TGFBRAP1: variants seen among roughly 807,000 people sequenced by gnomAD.
The protein encoded by TGFBRAP1 is transforming growth factor beta receptor associated protein 1, also known as transforming growth factor-beta receptor-associated protein 1.
TGFBRAP1 carries 20 observed loss-of-function variants against 83.2 expected under a neutral mutation model. The observed-to-expected ratio is 0.24, with a 90% confidence interval of 0.17 to 0.35. The LOEUF (loss-of-function observed/expected upper bound fraction) is 0.35. Ranked by LOEUF, TGFBRAP1 falls within the 10% of genes least tolerant of loss-of-function variation. The probability of loss-of-function intolerance (pLI) is 1.00; values close to 1 mark genes in which losing one functional copy is unlikely to be tolerated. For missense variants in TGFBRAP1, 950 were observed against 1,099.4 expected (o/e 0.86, Z 1.92); for synonymous variants, 415 against 459.8 (o/e 0.90, Z 1.25).
rs761027549 is a variant in TGFBRAP1, at chr2:105,308,275, A to G, written c.27T>C (p.Leu9=). 9 of 1,613,684 alleles carry G rather than the reference A, an allele frequency of 5.6e-6. No homozygotes were observed. The highest frequency in any genetic ancestry group is 4.4e-5 in the South Asian group (4 of 91,084). MMSIKAFT[L]VSAVERELLM... is the part of the protein sequence containing the mutation. Reference sequence around the variant, plus strand: ...GCAGCTCCCGCTCCACAGCAGAGACAAGCGTAAAGGCTTTGATGCTCATCA... The same window carrying G: ...GCAGCTCCCGCTCCACAGCAGAGACGAGCGTAAAGGCTTTGATGCTCATCA... The change falls in exon 2 of 12, where the codon CTT becomes CTC. Residue 9 remains leucine, a synonymous_variant. Transcript: ENST00000393359.
At chr2:105,286,498 G>C (rs143708337) in intron 4 of TGFBRAP1, among the ~76,000 whole-genome samples, 15 of 152,226 alleles carry the variant, frequency 9.9e-5, no homozygotes, top group African/African-American at 3.6e-4. Context: ...GAGTACATAC[G>C]AAGGACAGAG....
the TGFBRAP1 span, among the ~76,000 whole-genome samples, chr2:105,253,257 C>T: frequency 7.9e-5 from 12 of 152,214 alleles, no homozygotes; most frequent in East Asian, 3.9e-4. Context: ...CTCAGACTCC[C>T]GAGTAGGTGG....
the TGFBRAP1 span, among the ~76,000 whole-genome samples, chr2:105,251,135 C>T: frequency 3.3e-5 from 5 of 151,794 alleles, no homozygotes; most frequent in South Asian, 2.1e-4. Flanking sequence ...ATGTGGGGAG[C>T]GCCTCTGCCC....
At chr2:105,298,312 C>A (rs1166561706) in intron 3 of TGFBRAP1, among the ~76,000 whole-genome samples, 199 bp downstream of exon 3, 1 of 152,200 alleles carries the variant, frequency 6.6e-6, no homozygotes, top group Non-Finnish European at 1.5e-5. Flanking sequence ...CGTGATCAAG[C>A]TTTTATACTG....
chr2:105,326,141 C>T (rs1312798734), intron 1 of TGFBRAP1, among the ~76,000 whole-genome samples: 3 of 151,836 alleles, frequency 2.0e-5, no homozygotes, highest in African/African-American at 7.3e-5. Context: ...TTTTACTGGG[C>T]AATACTAATC....
chr2:105,284,281 G>A lies in TGFBRAP1; in HGVS notation c.1121+35C>T, dbSNP rs764117862. On this transcript the variant is annotated intron_variant, in intron 5 of 11. Transcript: ENST00000393359. ...CAGGTTCTGGCCACAGAGGGACACT[G>A]TAGTGGCAGTCTTGCTACCAGCACC... 1.9e-6 allele frequency: 3 copies of A among 1,593,796 alleles called. No individual in the cohort carries two copies. In the Admixed American group the frequency reaches 5.0e-5, roughly 27 times the overall value.
downstream of TGFBRAP1, among the ~76,000 whole-genome samples, chr2:105,262,473 C>T (rs542258947): frequency 1.3e-5 from 2 of 152,176 alleles, no homozygotes; most frequent in Non-Finnish European, 2.9e-5. Flanking sequence ...GCCAGCACCA[C>T]GCTTCCTGTA....
intron 1 of TGFBRAP1, among the ~76,000 whole-genome samples, chr2:105,320,041 G>A (rs1679009729): frequency 6.6e-6 from 1 of 151,846 alleles, no homozygotes; most frequent in Non-Finnish European, 1.5e-5. Flanking sequence ...TATTAAAATG[G>A]GCTCTTTACC....
intron 3 of TGFBRAP1, among the ~76,000 whole-genome samples, chr2:105,298,179 C>A (rs913055575): frequency 6.6e-6 from 1 of 152,192 alleles, no homozygotes; most frequent in Admixed American, 6.5e-5. Flanking sequence ...CACACAACAT[C>A]TGCTTGGCTG....
the TGFBRAP1 span, among the ~76,000 whole-genome samples, chr2:105,259,011 G>C: frequency 6.6e-6 from 1 of 152,218 alleles, no homozygotes; most frequent in Admixed American, 6.5e-5. Context: ...CCAATGTTGA[G>C]TTGCATGAAA....
chr2:105,308,217 A>G lies in TGFBRAP1; in HGVS notation c.85T>C (p.Cys29Arg). The G allele has an allele frequency of 6.2e-7, 1 of 1,613,888 alleles. No individual in the cohort carries two copies. Among genetic ancestry groups the G allele is most frequent in the Non-Finnish European group, 8.5e-7 (1 of 1,179,994 alleles). The change falls in exon 2 of 12, where the codon TGC becomes CGC. Residue 29 changes from cysteine (C) to arginine (R), a missense_variant. Transcript: ENST00000393359. ...MGDKERVNIE[C>R]VECCGRDLYV... ...AGGTCCCTGCCGCAGCACTCCACGC[A>G]CTCTATGTTGACGCGCTCCTTGTCG...
intron 9 of TGFBRAP1, among the ~76,000 whole-genome samples, chr2:105,273,272 G>A (rs1251947088): frequency 1.3e-5 from 2 of 152,128 alleles, no homozygotes; most frequent in Non-Finnish European, 2.9e-5. Context: ...AAAAGGTATA[G>A]CTCCCTTTAT....
chr2:105,284,832 C>T (rs1421718593), intron 4 of TGFBRAP1, among the ~76,000 whole-genome samples: 6 of 152,180 alleles, frequency 3.9e-5, no homozygotes, highest in Non-Finnish European at 7.3e-5. Context: ...CCCAGGCTTT[C>T]TTAGTCAGAG....
intron 2 of TGFBRAP1, among the ~76,000 whole-genome samples, chr2:105,301,886 GCCA>G (rs1034289982): frequency 2.6e-5 from 4 of 151,734 alleles, no homozygotes; most frequent in African/African-American, 9.7e-5. Context: ...ACAAGCACAT[GCCA>G]CCACACCTGG....
chr2:105,285,976 AG>A (rs1443132536), intron 4 of TGFBRAP1, among the ~76,000 whole-genome samples: 1 of 152,244 alleles, frequency 6.6e-6, no homozygotes, highest in Non-Finnish European at 1.5e-5. Flanking sequence ...ACTAGAGGCC[AG>A]CCACTTAGCA....
chr2:105,328,223 A>C lies in TGFBRAP1; in HGVS notation c.-18+1402T>G, dbSNP rs190088841. On this transcript the variant is annotated intron_variant, in intron 1 of 11. Transcript: ENST00000393359. ...CAGGAAATGGCAGAGGCAGGATTTG[A>C]ACCCACACTCCACATTCATTACCAC... 2.2e-3 allele frequency among the ~76,000 whole-genome samples: 339 copies of C among 152,238 alleles called. 3 individuals are homozygous for C. The highest frequency in any genetic ancestry group is 7.6e-3 in the African/African-American group (315 of 41,540).
At position 105,280,734 on chromosome 2, in the gene TGFBRAP1, AG is replaced by A; in HGVS notation, c.1122-12del. 1 of 1,607,514 alleles carries A rather than the reference AG, an allele frequency of 6.2e-7. No individual in the cohort carries two copies. Among genetic ancestry groups the A allele is most frequent in the Non-Finnish European group, 8.5e-7 (1 of 1,176,306 alleles). The stretch of plus-strand genomic sequence containing the variant: ...TCAAGCTGGCCGCTTCTGCAATTAC[AG>A]TGTCAAACTAAATGAAGCAAAAAGA... On this transcript the variant is annotated splice_polypyrimidine_tract_variant and intron_variant, in intron 5 of 11. Transcript: ENST00000393359.
intron 4 of TGFBRAP1, 33 bp downstream of exon 4, chr2:105,296,323 G>A (rs754566078): frequency 1.2e-6 from 2 of 1,612,258 alleles, no homozygotes; most frequent in South Asian, 1.1e-5. Context: ...TGGTGACTTA[G>A]AGGCATATTT....
intron 1 of TGFBRAP1, among the ~76,000 whole-genome samples, chr2:105,316,919 G>A (rs528715216): frequency 9.9e-5 from 15 of 152,078 alleles, no homozygotes; most frequent in South Asian, 2.1e-4. Context: ...ATCAAAAACC[G>A]TGGTAATTAA....
Sources: gnomAD v4.1 joint callset for allele counts (sites outside exome capture counted in the v4.1 genomes callset) on GRCh38, gnomAD v4.1.1 for gene constraint, MANE v1.5 for transcripts, NCBI Gene and HGNC (gene_info 2026-07-23, HGNC 2026-07-21) for gene names.